Variants in ABCC8 observed in about 807,000 individuals in gnomAD.
The protein encoded by ABCC8 is ATP-binding cassette sub-family C member 8.
ABCC8 carries 137 observed loss-of-function variants against 188.0 expected under a neutral mutation model. The ratio of observed to expected loss-of-function variants is 0.73; its 90% CI spans 0.63 to 0.84. ABCC8 has a LOEUF of 0.84. ABCC8 is among the 40% of genes least tolerant of loss of function. ABCC8 has a pLI of 0.00. For synonymous variants in ABCC8, 797 were observed against 846.5 expected (o/e 0.94, Z 1.01); for missense variants, 1,750 against 2,072.7 (o/e 0.84, Z 3.02).
chr11:17,424,026 C>T (rs1242297547), intron 16 of ABCC8, among the ~76,000 whole-genome samples: 1 of 152,194 alleles, frequency 6.6e-6, no homozygotes, highest in African/African-American at 2.4e-5. Context: ...GATGAGGTGC[C>T]TGCACAGTGC....
At position 17,461,854 on chromosome 11, in the gene ABCC8, G is replaced by A. The variant is rs191859562; in HGVS notation, c.580-29C>T. ...TGGGGCACATGGGCCATGGGGGATGGGTAAGTCCAACTTCTCACCACTCCC... is the reference window on the plus strand; with the variant it reads ...TGGGGCACATGGGCCATGGGGGATGAGTAAGTCCAACTTCTCACCACTCCC... On this transcript the variant is annotated intron_variant, in intron 4 of 38. Transcript: ENST00000389817. The A allele has an allele frequency of 3.1e-6, 5 of 1,612,772 alleles. No individual in the cohort carries two copies. In the African/African-American group the frequency reaches 4.0e-5, roughly 13 times the overall value.
chr11:17,401,605 T>C (rs1183243446), intron 29 of ABCC8, among the ~76,000 whole-genome samples: 2 of 152,198 alleles, frequency 1.3e-5, no homozygotes, highest in African/African-American at 2.4e-5. Flanking sequence ...TCATGGTTAC[T>C]GTCATACTTC....
intron 16 of ABCC8, among the ~76,000 whole-genome samples, chr11:17,417,353 C>A (rs1007105088): frequency 1.3e-5 from 2 of 151,754 alleles, no homozygotes; most frequent in African/African-American, 2.4e-5. Context: ...AATAAGTAGG[C>A]GGCAAGTGCA....
chr11:17,418,968 T>A (rs1037480001), intron 16 of ABCC8, among the ~76,000 whole-genome samples: 2 of 152,178 alleles, frequency 1.3e-5, no homozygotes, highest in Non-Finnish European at 2.9e-5. Context: ...AAACAACTCA[T>A]CATCTCATCC....
rs745575417 is a variant in ABCC8, at chr11:17,404,683, G to T, written c.3400-14C>A. ...GGATGGGATGTGCTGAGGGAGACGA[G>T]GGGGAGAGAGTGAGGTGAATTTTGG... On this transcript the variant is annotated splice_polypyrimidine_tract_variant and intron_variant, in intron 27 of 38. Coordinates refer to ENST00000389817, the MANE Select transcript of ABCC8 (RefSeq NM_000352.6). This position sits in a 1 kb window ranked among gnomAD's most constrained non-coding sequence, Gnocchi z 4.7. The T allele has an allele frequency of 1.0e-5, 16 of 1,594,568 alleles. No homozygotes were observed. The highest frequency in any genetic ancestry group is 2.1e-4 in the Middle Eastern group (1 of 4,768).
intron 2 of ABCC8, among the ~76,000 whole-genome samples, chr11:17,470,455 C>T (rs1042504642): frequency 4.6e-5 from 7 of 152,114 alleles, no homozygotes; most frequent in African/African-American, 1.7e-4. Context: ...GAGCCCTAAG[C>T]ACAAGGGTTG....
chr11:17,476,539 AAGGGGACG>A, intron 1 of ABCC8, 82 bp downstream of exon 1: 1 of 1,500,148 alleles, frequency 6.7e-7, no homozygotes, highest in South Asian at 1.2e-5. Context: ...CGCGGGCCGG[AAGGGGACG>A]CCGAGCGGTG....
chr11:17,437,623 T>C lies in ABCC8; in HGVS notation c.1630+5097A>G, dbSNP rs147983927. Among the ~76,000 whole-genome samples the C allele has an allele frequency of 4.0e-4, 61 of 152,340 alleles. No homozygotes were observed. The Middle Eastern group carries it at 0.01, about 25-fold the overall frequency. On this transcript the variant is annotated intron_variant, in intron 10 of 38. Transcript: ENST00000389817. ...CAGAGGGGGAAGGAAATCAGGTTAA[T>C]GGTGTCAGTTGCTGGCAGCTGAGGA...
intron 11 of ABCC8, among the ~76,000 whole-genome samples, chr11:17,431,506 G>A (rs941019693): frequency 1.3e-5 from 2 of 152,216 alleles, no homozygotes; most frequent in African/African-American, 4.8e-5. Context: ...ACTGGCCCCG[G>A]GGGAAATAAG....
chr11:17,439,004 T>G (rs932151979), intron 10 of ABCC8, among the ~76,000 whole-genome samples: 24 of 152,216 alleles, frequency 1.6e-4, no homozygotes, highest in Non-Finnish European at 3.5e-4. Flanking sequence ...CACTGTTCTG[T>G]GCATGTTAGC....
At chr11:17,409,520 C>T (rs1954708080) in intron 22 of ABCC8, among the ~76,000 whole-genome samples, 1 of 152,126 alleles carries the variant, frequency 6.6e-6, no homozygotes, top group Non-Finnish European at 1.5e-5. Context: ...ATCTTTAGGT[C>T]TTTGGGTCTT....
chr11:17,420,466 A>G (rs1482078512), intron 16 of ABCC8, among the ~76,000 whole-genome samples: 1 of 152,036 alleles, frequency 6.6e-6, no homozygotes, highest in African/African-American at 2.4e-5. Context: ...CTGTCTCACC[A>G]CACCTGCCTC....
At chr11:17,419,324 C>T (rs906497730) in intron 16 of ABCC8, among the ~76,000 whole-genome samples, 7 of 152,198 alleles carry the variant, frequency 4.6e-5, no homozygotes, top group Non-Finnish European at 7.3e-5. Flanking sequence ...TCCTTCCCTC[C>T]AGCCCACTAG....
intron 4 of ABCC8, among the ~76,000 whole-genome samples, chr11:17,463,068 C>G (rs1267167873): frequency 6.6e-6 from 1 of 152,156 alleles, no homozygotes; most frequent in Non-Finnish European, 1.5e-5. Flanking sequence ...AAAACACTTA[C>G]TCATTCATTT....
At chr11:17,461,999 C>A in intron 4 of ABCC8, 174 bp from the exon 5 acceptor site, 3 of 742,810 alleles carry the variant, frequency 4.0e-6, no homozygotes, top group Non-Finnish European at 4.9e-6. Context: ...TCTTGGCCAC[C>A]AATGTCAGGG....
intron 36 of ABCC8, 97 bp from the exon 37 acceptor site, chr11:17,394,496 C>T (rs1953803323): frequency 6.3e-7 from 1 of 1,588,100 alleles, no homozygotes; most frequent in Non-Finnish European, 8.6e-7. Context: ...AAAATGTGTG[C>T]ATGGGGGCAA....
chr11:17,466,462 A>C (rs1370842218), intron 3 of ABCC8, among the ~76,000 whole-genome samples: 1 of 151,882 alleles, frequency 6.6e-6, no homozygotes, highest in Admixed American at 6.6e-5. Flanking sequence ...TAGAGTGCTC[A>C]AATTCATAGA....
intron 33 of ABCC8, chr11:17,396,679 G>T (rs527918979): frequency 1.8e-6 from 1 of 565,486 alleles, no homozygotes; most frequent in African/African-American, 1.9e-5. Flanking sequence ...CCAGAGTGTC[G>T]GTCTCCTTGG....
chr11:17,452,174 C>G (rs1438185676), intron 7 of ABCC8, among the ~76,000 whole-genome samples: 1 of 152,212 alleles, frequency 6.6e-6, no homozygotes, highest in Non-Finnish European at 1.5e-5. Flanking sequence ...TTGGACAACT[C>G]TCATCATCAC....
Sources: allele counts gnomAD v4.1 joint callset (sites outside exome capture counted in the v4.1 genomes callset), GRCh38; gene constraint gnomAD v4.1.1; non-coding constraint Gnocchi (gnomAD v3.1); transcripts MANE v1.5; gene names NCBI Gene and HGNC (gene_info 2026-07-23, HGNC 2026-07-21).